The following DAB1 variants were observed in gnomAD, a reference collection of about 807,000 sequenced individuals.
DAB1 encodes DAB adaptor protein 1, also known as disabled homolog 1.
A neutral mutation model predicts 64.6 loss-of-function variants in DAB1; 15 were observed. That is an observed-to-expected ratio of 0.23 (90% confidence interval 0.16 to 0.36). The LOEUF is 0.36. Among genes scored for constraint, DAB1 ranks in the 10% least tolerant of loss-of-function variants. DAB1 has a pLI of 1.00. For missense variants in DAB1, 596 were observed against 706.7 expected (o/e 0.84, Z 1.78); for synonymous variants, 235 against 251.9 (o/e 0.93, Z 0.64).
At chr1:57,622,330 G>C (rs1645869958) in intron 7 of DAB1, among the ~76,000 whole-genome samples, 1 of 152,168 alleles carries the variant, frequency 6.6e-6, no homozygotes, top group South Asian at 2.1e-4. Flanking sequence ...CACTCACACA[G>C]AAAAGTTGTG....
chr1:57,066,502 T>C (rs1396599958), intron 8 of DAB1, among the ~76,000 whole-genome samples: 2 of 152,190 alleles, frequency 1.3e-5, no homozygotes, highest in African/African-American at 2.4e-5. Flanking sequence ...ACAAGACTAT[T>C]AGAAAAACCT....
chr1:58,210,344 C>T (rs2100290476), intron 4 of DAB1, among the ~76,000 whole-genome samples: 1 of 152,268 alleles, frequency 6.6e-6, no homozygotes, highest in East Asian at 1.9e-4. Context: ...AAACTGTCAG[C>T]AGATCTGCAT....
At chr1:58,249,011 A>G (rs1660679186) in intron 4 of DAB1, among the ~76,000 whole-genome samples, 1 of 152,188 alleles carries the variant, frequency 6.6e-6, no homozygotes, top group Non-Finnish European at 1.5e-5. Context: ...AAGCGGAAGC[A>G]AAGCCACTGC....
chr1:58,354,717 C>A (rs1028417067), intron 3 of DAB1, among the ~76,000 whole-genome samples: 11 of 152,034 alleles, frequency 7.2e-5, no homozygotes. Context: ...GATAAGAATC[C>A]AGGAAGATTG....
chr1:57,419,010 C>T (rs915772399), intron 1 of DAB1, among the ~76,000 whole-genome samples: 5 of 152,104 alleles, frequency 3.3e-5, no homozygotes, highest in African/African-American at 1.2e-4. Context: ...AATTTATATC[C>T]TGATATGCAT....
At chr1:57,718,298 A>C (rs1647109257) in intron 6 of DAB1, among the ~76,000 whole-genome samples, 1 of 152,180 alleles carries the variant, frequency 6.6e-6, no homozygotes. Flanking sequence ...GACTACTATA[A>C]ATTAAAAATT....
At chr1:57,980,336 C>A (rs1302634598) in intron 5 of DAB1, among the ~76,000 whole-genome samples, 1 of 151,988 alleles carries the variant, frequency 6.6e-6, no homozygotes, top group Non-Finnish European at 1.5e-5. Flanking sequence ...GAAATTCTAC[C>A]CCAATATCTA....
At chr1:58,427,979 T>C (rs1644837167) in intron 3 of DAB1, among the ~76,000 whole-genome samples, 1 of 152,202 alleles carries the variant, frequency 6.6e-6, no homozygotes, top group African/African-American at 2.4e-5. Flanking sequence ...CTGAAAAATA[T>C]ATCATTGGTC....
chr1:58,144,542 A>T (rs1309502131), intron 5 of DAB1, among the ~76,000 whole-genome samples: 4 of 152,236 alleles, frequency 2.6e-5, no homozygotes, highest in Non-Finnish European at 1.5e-5. Flanking sequence ...TATGTAACTT[A>T]ATCTTCATAA....
At chr1:57,570,120 G>A (rs757387797) in intron 7 of DAB1, among the ~76,000 whole-genome samples, 21 of 152,016 alleles carry the variant, frequency 1.4e-4, no homozygotes, top group African/African-American at 4.8e-5. Context: ...TGAGTCAGTC[G>A]GCCGGGAAAG....
At chr1:58,491,677 C>A (rs1204310294) in intron 3 of DAB1, among the ~76,000 whole-genome samples, 1 of 152,154 alleles carries the variant, frequency 6.6e-6, no homozygotes, top group African/African-American at 2.4e-5. Context: ...AAGGCCACTA[C>A]ATAATGGTAA....
chr1:58,380,504 G>T (rs1250888247), intron 3 of DAB1, among the ~76,000 whole-genome samples: 1 of 152,338 alleles, frequency 6.6e-6, no homozygotes, highest in African/African-American at 2.4e-5. Flanking sequence ...GCCCTGGATT[G>T]TTGCATGAGA....
intron 7 of DAB1, among the ~76,000 whole-genome samples, chr1:57,522,025 G>A (rs917014464): frequency 2.0e-5 from 3 of 152,046 alleles, no homozygotes; most frequent in Non-Finnish European, 2.9e-5. Context: ...CAGGAGAATC[G>A]CTTGAACCCA....
At chr1:58,215,442 T>A (rs1658800964) in intron 4 of DAB1, among the ~76,000 whole-genome samples, 1 of 151,772 alleles carries the variant, frequency 6.6e-6, no homozygotes, top group African/African-American at 2.4e-5. Context: ...TTCCAAAAGA[T>A]ATATGTAATA....
intron 5 of DAB1, among the ~76,000 whole-genome samples, chr1:57,982,918 T>A (rs1324072348): frequency 6.6e-6 from 1 of 152,174 alleles, no homozygotes; most frequent in Non-Finnish European, 1.5e-5. Flanking sequence ...ATGCTGGGCT[T>A]GAGGTAGGTA....
intron 2 of DAB1, among the ~76,000 whole-genome samples, chr1:58,522,735 A>G (rs918525337): frequency 6.6e-6 from 1 of 152,222 alleles, no homozygotes; most frequent in African/African-American, 2.4e-5. Context: ...TTTGTATGTT[A>G]TATGTATTAT....
chr1:57,073,079 C>T (rs575837178), intron 4 of DAB1, among the ~76,000 whole-genome samples: 1 of 152,308 alleles, frequency 6.6e-6, no homozygotes, highest in South Asian at 2.1e-4. Flanking sequence ...AATAGTACCA[C>T]CTGAGTGAAA....
intron 2 of DAB1, among the ~76,000 whole-genome samples, chr1:57,207,373 A>G (rs1340617115): frequency 1.3e-5 from 2 of 151,394 alleles, no homozygotes. Context: ...CTAAAGAAAG[A>G]GCAGAAAATA....
chr1:57,458,559 G>A (rs1686678789), intron 7 of DAB1, among the ~76,000 whole-genome samples: 1 of 151,468 alleles, frequency 6.6e-6, no homozygotes, highest in Admixed American at 6.6e-5. Flanking sequence ...AAGAAGCTTT[G>A]GTTTAAAACA....
Sources: gnomAD v4.1 joint callset for allele counts (sites outside exome capture counted in the v4.1 genomes callset) on GRCh38, gnomAD v4.1.1 for gene constraint, MANE v1.5 for transcripts, NCBI Gene and HGNC (gene_info 2026-07-23, HGNC 2026-07-21) for gene names.